The following SMC4 variants were observed in gnomAD, a reference collection of about 807,000 sequenced individuals.
SMC4 encodes the protein structural maintenance of chromosomes protein 4.
Under a neutral mutation model 145.6 loss-of-function variants are expected in SMC4, and 87 were observed. The observed-to-expected ratio is 0.60, with a 90% CI of 0.50 to 0.71. The LOEUF (loss-of-function observed/expected upper bound fraction) is 0.71. SMC4 is among the 30% of genes least tolerant of loss of function. The pLI is 0.00. For missense variants in SMC4, 1,447 were observed against 1,537.1 expected (o/e 0.94, Z 0.98); for synonymous variants, 558 against 500.7 (o/e 1.11, Z -1.53).
At chr3:160,430,179 TAAG>T (rs1235513604) in intron 18 of SMC4, among the ~76,000 whole-genome samples, 1 of 151,460 alleles carries the variant, frequency 6.6e-6, no homozygotes, top group Non-Finnish European at 1.5e-5. Flanking sequence ...TGCTCAGAGA[TAAG>T]GAGGTAATAA....
rs1195091862 is a variant in SMC4 at position 160,401,908 on chromosome 3, G to A, written c.140-7G>A. On this transcript the variant is annotated splice_polypyrimidine_tract_variant and splice_region_variant and intron_variant, in intron 2 of 23. Coordinates refer to ENST00000357388, the MANE Select transcript of SMC4 (RefSeq NM_001002800.3). ...GCCTTCGTTTTCCTTTCCTTTCACT[G>A]ACTTAGAGACTGCAAGTGAGGAACT... 1 of 1,592,456 alleles carries A rather than the reference G, an allele frequency of 6.3e-7. No individual in the cohort carries two copies. The highest frequency in any genetic ancestry group is 1.8e-5 in the Admixed American group (1 of 55,594).
At chr3:160,413,664 G>A in intron 8 of SMC4, 51 bp downstream of exon 8, 1 of 1,008,354 alleles carries the variant, frequency 9.9e-7, no homozygotes, top group Non-Finnish European at 1.4e-6. Flanking sequence ...TGTATTACAT[G>A]TGTATTTATA....
Position 160,422,777 on chromosome 3 carries a change from A to G in SMC4, c.2020-648A>G, listed in dbSNP as rs529841393. 7.9e-5 allele frequency among the ~76,000 whole-genome samples: 12 copies of G among 152,130 alleles called. No homozygotes were observed. In the East Asian group the frequency reaches 1.2e-3, roughly 15 times the overall value. ...TCCTTTGTTTTCTTCTAAAAGTTCT[A>G]TAGTTTTGGCTTTATATTTAGGTTT... On this transcript the variant is annotated intron_variant, in intron 13 of 23. Transcript: ENST00000357388.
rs753730813 is a variant in SMC4, at chr3:160,402,865, A to G, written c.508A>G (p.Lys170Glu). ...AGTTCATTTTCAAAAGATAATTGAT[A>G]AGGTAAGGGATTTTTACTGTTATTG... is the stretch of plus-strand genomic sequence containing the variant. ...VEVHFQKIID[K>E]EGDDYEVIPN... The change falls in exon 4 of 24, where the codon AAG becomes GAG. Residue 170 changes from lysine to glutamate, a missense_variant and splice_region_variant. Transcript: ENST00000357388. 3.2e-6 allele frequency: 5 copies of G among 1,554,654 alleles called. No individual in the cohort carries two copies. Among genetic ancestry groups the G allele is most frequent in the Non-Finnish European group, 4.3e-6 (5 of 1,157,630 alleles).
chr3:160,404,592 G>A (rs1309566815), intron 5 of SMC4, 88 bp downstream of exon 5: 3 of 1,202,906 alleles, frequency 2.5e-6, no homozygotes, highest in South Asian at 2.4e-5. Flanking sequence ...ACATTTTTGA[G>A]GCCTTAAAGT....
rs538285372 is a variant in SMC4 at position 160,429,958 on chromosome 3, C to G, written c.2796-641C>G. On this transcript the variant is annotated intron_variant, in intron 18 of 23. Transcript: ENST00000357388. ...TCTTGAACTCCTGACGTCATGGTCC[C>G]CCTGCCTCAGCCTCCCAAAGTGCTG... Among the ~76,000 whole-genome samples the G allele has an allele frequency of 1.2e-4, 18 of 151,052 alleles. No individual in the cohort carries two copies. In the South Asian group the frequency reaches 3.6e-3, roughly 30 times the overall value.
intron 23 of SMC4, 74 bp from the exon 24 acceptor site, chr3:160,433,583 A>C: frequency 1.1e-6 from 1 of 893,782 alleles, no homozygotes; most frequent in Admixed American, 2.8e-5. Flanking sequence ...TTGTCCAAAA[A>C]ATATTTGAGG....
intron 5 of SMC4, among the ~76,000 whole-genome samples, chr3:160,406,893 A>G (rs1715393347): frequency 6.6e-6 from 1 of 152,194 alleles, no homozygotes; most frequent in Admixed American, 6.5e-5. Context: ...CTTGTCCTTA[A>G]AGACACATAC....
In SMC4 at chr3:160,401,952, A is replaced by G; in HGVS notation, c.177A>G (p.Glu59=). The G allele has an allele frequency of 6.2e-7, 1 of 1,606,160 alleles. No individual in the cohort carries two copies. The highest frequency in any genetic ancestry group is 8.5e-7 in the Non-Finnish European group (1 of 1,176,760). ...AGGAACTTGATAATAGAAGTTTAGA[A>G]GAGATTTTGAACAGCATTCCTCCTC... ...ASEELDNRSL[E]EILNSIPPPP... Residue 59 remains glutamate, a synonymous_variant, in exon 3 of 24, where the codon GAA becomes GAG. Transcript: ENST00000357388.
chr3:160,420,194 G>A (rs1344733779), intron 12 of SMC4, among the ~76,000 whole-genome samples: 1 of 152,144 alleles, frequency 6.6e-6, no homozygotes, highest in East Asian at 1.9e-4. Context: ...GCTGAAGGTG[G>A]AGAGTCAAAG....
chr3:160,432,239 C>T, intron 21 of SMC4, 44 bp from the exon 22 acceptor site: 2 of 1,367,338 alleles, frequency 1.5e-6, no homozygotes, highest in South Asian at 2.6e-5. Flanking sequence ...ATTATCATAT[C>T]AAATTTATCT....
At chr3:160,428,615 TAAGGTGC>T in intron 17 of SMC4, 131 bp from the exon 18 acceptor site, 1 of 677,190 alleles carries the variant, frequency 1.5e-6, no homozygotes, top group African/African-American at 1.9e-5. Flanking sequence ...TTTTTTTTTT[TAAGGTGC>T]TTTTTCCCAT....
intron 17 of SMC4, among the ~76,000 whole-genome samples, chr3:160,428,236 A>G (rs1229478033): frequency 1.3e-5 from 2 of 152,194 alleles, no homozygotes; most frequent in Non-Finnish European, 2.9e-5. Flanking sequence ...TTATGTCTAA[A>G]CCCTAGCCAC....
In SMC4 at chr3:160,433,882, T is replaced by C. The variant is rs1718705810; in HGVS notation, c.*73T>C. The C allele has an allele frequency of 4.5e-6, 5 of 1,122,298 alleles. No homozygotes were observed. Among genetic ancestry groups the C allele is most frequent in the Non-Finnish European group, 6.5e-6 (5 of 769,880 alleles). The allele number at this position is 1,122,298 out of a possible 1,614,324, so 69.5% of individuals were successfully genotyped here. ...TTTTCTATTTGTAAAGGATTATGAG[T>C]TGTATAAAATACATACTCCCTAAAC... On this transcript the variant is annotated 3_prime_UTR_variant, in exon 24 of 24. Transcript: ENST00000357388.
At chr3:160,415,568 TCTGCTTAGCACAG>T (rs1224267567) in intron 9 of SMC4, among the ~76,000 whole-genome samples, 1 of 152,268 alleles carries the variant, frequency 6.6e-6, no homozygotes, top group Admixed American at 6.5e-5. Context: ...CAAAATACTT[TCTGCTTAGCACAG>T]CTGATAAATA....
chr3:160,419,615 G>T, intron 12 of SMC4, 72 bp downstream of exon 12: 1 of 1,371,492 alleles, frequency 7.3e-7, no homozygotes, highest in East Asian at 2.3e-5. Flanking sequence ...TTTTTGCCTT[G>T]ACAACCATAT....
intron 10 of SMC4, among the ~76,000 whole-genome samples, chr3:160,417,081 G>C (rs2108477089): frequency 6.6e-6 from 1 of 152,222 alleles, no homozygotes; most frequent in African/African-American, 2.4e-5. Context: ...ATCTTTGTTT[G>C]TATGTACCAC....
chr3:160,410,191 T>A (rs772392660), intron 5 of SMC4, among the ~76,000 whole-genome samples: 1 of 152,242 alleles, frequency 6.6e-6, no homozygotes, highest in Non-Finnish European at 1.5e-5. Flanking sequence ...GAAGACAGTT[T>A]CGGTTGTTAT....
intron 7 of SMC4, chr3:160,412,804 T>TTATA: frequency 1.0e-6 from 1 of 976,346 alleles, no homozygotes; most frequent in Non-Finnish European, 1.2e-6. Flanking sequence ...TTAGGCATAT[T>TTATA]AATTCATTGA....
Sources: allele counts gnomAD v4.1 joint callset (sites outside exome capture counted in the v4.1 genomes callset), GRCh38; gene constraint gnomAD v4.1.1; transcripts MANE v1.5; gene names NCBI Gene and HGNC (gene_info 2026-07-23, HGNC 2026-07-21).